Variants in TRAF2 observed in about 807,000 individuals in gnomAD.
The protein encoded by TRAF2 is TNF receptor associated factor 2.
A neutral mutation model predicts 55.6 loss-of-function variants in TRAF2; 6 were observed. The observed-to-expected ratio is 0.11, with a 90% CI of 0.06 to 0.21. TRAF2 has a LOEUF of 0.21. TRAF2 is among the 10% of genes least tolerant of loss of function. The pLI, the probability that TRAF2 is intolerant of heterozygous loss-of-function variation, is 1.00. For missense variants in TRAF2, 561 were observed against 684.5 expected (o/e 0.82, Z 2.01); for synonymous variants, 329 against 276.3 (o/e 1.19, Z -1.89).
intron 6 of TRAF2, among the ~76,000 whole-genome samples, chr9:136,911,077 G>A (rs547668429): frequency 6.6e-6 from 1 of 152,214 alleles, no homozygotes; most frequent in Non-Finnish European, 1.5e-5. Flanking sequence ...GTCTGTGTCA[G>A]CCCTTGTCTG....
chr9:136,901,642 A>G (rs1271309153), intron 4 of TRAF2, among the ~76,000 whole-genome samples: 2 of 152,204 alleles, frequency 1.3e-5, no homozygotes, highest in Non-Finnish European at 2.9e-5. Flanking sequence ...GGAATGAGGC[A>G]GTACCTTGAT....
chr9:136,903,182 C>T (rs1158469736), intron 4 of TRAF2, among the ~76,000 whole-genome samples: 1 of 152,180 alleles, frequency 6.6e-6, no homozygotes, highest in African/African-American at 2.4e-5. Flanking sequence ...AACTCCTTAC[C>T]TCAAGTGATC....
intron 4 of TRAF2, 120 bp from the exon 5 acceptor site, chr9:136,907,950 C>T: frequency 7.5e-7 from 1 of 1,326,514 alleles, no homozygotes; most frequent in Non-Finnish European, 1.0e-6. Flanking sequence ...AGAGGGCGGC[C>T]CCCAGGACCA....
chr9:136,886,336 C>T (rs1343784411), upstream of TRAF2: 2 of 945,144 alleles, frequency 2.1e-6, no homozygotes, highest in Non-Finnish European at 2.5e-6. Flanking sequence ...CCTGCGGGCT[C>T]GCTGGTTGGC....
rs144015769 is a variant in TRAF2, at chr9:136,888,590, C to T, written c.-29+2049C>T. ...AGAAGGGCGAGGCCTGGGTTGAACC[C>T]AAGCGTTTGCGGCGACTAGGTGACC... On this transcript the variant is annotated intron_variant, in intron 1 of 10. Transcript: ENST00000247668. Among the ~76,000 whole-genome samples, 695 of 152,314 alleles carry T rather than the reference C, an allele frequency of 4.6e-3. 6 individuals are homozygous for T. Among genetic ancestry groups the T allele is most frequent in the African/African-American group, 0.016 (657 of 41,564 alleles).
chr9:136,915,101 C>T (rs552893090), intron 6 of TRAF2, among the ~76,000 whole-genome samples: 2 of 152,208 alleles, frequency 1.3e-5, no homozygotes, highest in South Asian at 4.2e-4. Flanking sequence ...ATCACTTGAA[C>T]CTGGGAGGCA....
intron 1 of TRAF2, among the ~76,000 whole-genome samples, chr9:136,894,325 G>A (rs1849638771): frequency 6.6e-6 from 1 of 152,112 alleles, no homozygotes; most frequent in East Asian, 1.9e-4. Flanking sequence ...GATTACAGGC[G>A]TGAGCCACCG....
intron 9 of TRAF2, chr9:136,922,514 G>A (rs1034058266): frequency 6.5e-6 from 1 of 153,268 alleles, no homozygotes; most frequent in African/African-American, 2.4e-5. Flanking sequence ...CTGTTTGTGT[G>A]GAACATCTGC....
At chr9:136,907,967 G>A (rs529319550) in intron 4 of TRAF2, 103 bp from the exon 5 acceptor site, 35 of 1,453,338 alleles carry the variant, frequency 2.4e-5, no homozygotes, top group East Asian at 4.6e-5. Flanking sequence ...ACCAGCATGC[G>A]GACACCAAGC....
chr9:136,898,880 C>G lies in TRAF2; in HGVS notation c.140C>G (p.Ala47Gly). 2 of 1,612,870 alleles carry G rather than the reference C, an allele frequency of 1.2e-6. No individual in the cohort carries two copies. The highest frequency in any genetic ancestry group is 1.7e-6 in the Non-Finnish European group (2 of 1,179,798). Residue 47 changes from alanine (A) to glycine (G), a missense_variant, in exon 2 of 11, where the codon GCG becomes GGG. Physicochemically the swap from Ala to Gly is moderately conservative, Grantham distance 60. Coordinates refer to ENST00000247668, the MANE Select transcript of TRAF2 (RefSeq NM_021138.4). Reference sequence around the variant, plus strand: ...AACGTCCTCCGCAGGCCCTTCCAGGCGCAGTGTGGCCACCGGTACTGCTCC... The same window carrying G: ...AACGTCCTCCGCAGGCCCTTCCAGGGGCAGTGTGGCCACCGGTACTGCTCC... ...CRNVLRRPFQAQCGHRYCSFC... is the reference protein window; with the variant it reads ...CRNVLRRPFQGQCGHRYCSFC...
chr9:136,901,914 C>T (rs1048420570), intron 4 of TRAF2: 3 of 152,306 alleles, frequency 2.0e-5, no homozygotes, highest in Non-Finnish European at 2.9e-5. Flanking sequence ...CCACACCTCC[C>T]ACGATCTTTT....
chr9:136,915,899 C>G (rs143480900), intron 6 of TRAF2, among the ~76,000 whole-genome samples: 5 of 152,292 alleles, frequency 3.3e-5, no homozygotes, highest in African/African-American at 7.2e-5. Flanking sequence ...AAATCTTGTG[C>G]TGCGTCTGGC....
Position 136,924,983 on chromosome 9 carries a change from C to G in TRAF2, c.1288-700C>G, listed in dbSNP as rs538993509. 2.0e-5 allele frequency among the ~76,000 whole-genome samples: 3 copies of G among 152,350 alleles called. No homozygotes were observed. The South Asian group carries it at 6.2e-4, about 32-fold the overall frequency. The stretch of plus-strand genomic sequence containing the variant: ...TGATCTCCTGACCTTGTGATCCGCC[C>G]ACCTTGGCCTCCCAAAGTGCTGGGA... On this transcript the variant is annotated intron_variant, in intron 10 of 10. Transcript: ENST00000247668.
chr9:136,924,092 G>T (rs1850463870), intron 10 of TRAF2, 92 bp downstream of exon 10: 2 of 1,507,764 alleles, frequency 1.3e-6, no homozygotes, highest in East Asian at 2.4e-5. Flanking sequence ...GCGGGACAAG[G>T]TGGCTTGGGC....
upstream of TRAF2, chr9:136,882,079 T>C: frequency 1.0e-6 from 1 of 981,226 alleles, no homozygotes; most frequent in African/African-American, 1.7e-5. Context: ...AAGGGTCCCT[T>C]GTTCATGGTC....
chr9:136,900,344 G>C (rs1321906579), intron 3 of TRAF2, 78 bp from the exon 4 acceptor site: 1 of 1,000,130 alleles, frequency 1.0e-6, no homozygotes, highest in African/African-American at 1.6e-5. Context: ...TGGTTGGTTT[G>C]GACGTGTGGT....
chr9:136,900,575 C>T (rs759064520), intron 4 of TRAF2, 55 bp downstream of exon 4: 24 of 1,412,374 alleles, frequency 1.7e-5, no homozygotes, highest in Non-Finnish European at 2.3e-5. Context: ...CGGGAGTCGT[C>T]CACGCTCCCC....
At chr9:136,894,281 G>T (rs954344642) in intron 1 of TRAF2, among the ~76,000 whole-genome samples, 4 of 151,984 alleles carry the variant, frequency 2.6e-5, no homozygotes, top group African/African-American at 4.8e-5. Flanking sequence ...TCTTGACCTC[G>T]TGATCTGCCT....
In TRAF2 at chr9:136,920,313, A is replaced by C. The variant is rs748892592; in HGVS notation, c.758A>C (p.Glu253Ala). Reference sequence around the variant, plus strand: ...GCCATGCTACTGAGCTCGGTGCTGGAGGCAAAGCCCCTCTTGGGAGACCAG... The same window carrying C: ...GCCATGCTACTGAGCTCGGTGCTGGCGGCAAAGCCCCTCTTGGGAGACCAG... ...HLAMLLSSVL[E>A]AKPLLGDQSH... is the part of the protein sequence containing the mutation. The change falls in exon 8 of 11, where the codon GAG (glutamate) becomes GCG (alanine). Residue 253 changes from glutamate (E) to alanine (A), a missense_variant. Glu to Ala is a moderately radical substitution (Grantham distance 107). Transcript: ENST00000247668. 1.2e-6 allele frequency: 2 copies of C among 1,613,816 alleles called. No homozygotes were observed. The highest frequency in any genetic ancestry group is 1.3e-5 in the African/African-American group (1 of 74,936).
Sources: gnomAD v4.1 joint callset for allele counts (sites outside exome capture counted in the v4.1 genomes callset) on GRCh38, gnomAD v4.1.1 for gene constraint, MANE v1.5 for transcripts, NCBI Gene and HGNC (gene_info 2026-07-23, HGNC 2026-07-21) for gene names.